Variants in MRPL1 observed in about 807,000 individuals in gnomAD.
MRPL1 encodes the protein large ribosomal subunit protein uL1m.
In MRPL1, 28 loss-of-function variants were observed where a neutral mutation model predicts 38.0. The ratio of observed to expected loss-of-function variants is 0.74; its 90% CI spans 0.55 to 1.01. The LOEUF is 1.01. MRPL1 is among the 50% of genes least tolerant of loss of function. The pLI is 0.00. For synonymous variants in MRPL1, 123 were observed against 126.7 expected, an observed-to-expected ratio of 0.97 and a Z score of 0.20; for missense variants, 358 against 389.8, an observed-to-expected ratio of 0.92 and a Z score of 0.69.
Position 77,916,904 on chromosome 4 carries a change from T to G in MRPL1, c.777+7532T>G, listed in dbSNP as rs2110251696. 1.3e-5 allele frequency among the ~76,000 whole-genome samples: 2 copies of G among 152,346 alleles called. 1 individual carries two copies. The highest frequency in any genetic ancestry group is 4.1e-4 in the South Asian group (2 of 4,832). On this transcript the variant is annotated intron_variant, in intron 7 of 8. Transcript: ENST00000315567. Reference sequence around the variant, plus strand: ...TTCCCAAATTACTTTCTAAAATGTTTATACTAATTTATCATTATCCAACAG... The same window carrying G: ...TTCCCAAATTACTTTCTAAAATGTTGATACTAATTTATCATTATCCAACAG...
At chr4:77,867,753 T>C (rs1358173984) in intron 1 of MRPL1, among the ~76,000 whole-genome samples, 1 of 45,326 alleles carries the variant, frequency 2.2e-5, no homozygotes, top group African/African-American at 7.3e-5. Context: ...TTTCTTTTTT[T>C]TTTTTTTTTT....
chr4:77,936,078 C>T (rs569183430), intron 7 of MRPL1, among the ~76,000 whole-genome samples: 45 of 151,906 alleles, frequency 3.0e-4, no homozygotes, highest in Admixed American at 2.9e-3. Context: ...AATACTGAAT[C>T]GTCTAGGTAA....
At chr4:77,881,192 C>A (rs1735530628) in intron 2 of MRPL1, among the ~76,000 whole-genome samples, 1 of 152,140 alleles carries the variant, frequency 6.6e-6, no homozygotes, top group African/African-American at 2.4e-5. Flanking sequence ...ACAGCAAAGT[C>A]ATTTAGCAAA....
chr4:77,936,524 G>A (rs1360199777), intron 7 of MRPL1, among the ~76,000 whole-genome samples: 3 of 152,172 alleles, frequency 2.0e-5, no homozygotes, highest in Admixed American at 1.3e-4. Flanking sequence ...CCAGGAGTCA[G>A]CAAACCAAAT....
rs1454661643 is a variant in MRPL1, at chr4:77,874,319, A to G, written c.143+2464A>G. Among the ~76,000 whole-genome samples, 5 of 152,288 alleles carry G rather than the reference A, an allele frequency of 3.3e-5. No individual in the cohort carries two copies. The South Asian group carries it at 6.2e-4, about 19-fold the overall frequency. On this transcript the variant is annotated intron_variant, in intron 2 of 8. Coordinates refer to ENST00000315567, the MANE Select transcript of MRPL1 (RefSeq NM_020236.4). ...TTTAAGTTAACAATATATCTTGGAA[A>G]TAGTTTCATATGGAGCTGTCTAGTC...
intron 7 of MRPL1, among the ~76,000 whole-genome samples, chr4:77,919,240 G>GTT (rs578007776): frequency 1.3e-5 from 2 of 149,912 alleles, no homozygotes; most frequent in African/African-American, 4.9e-5. Context: ...AACTTGCTTT[G>GTT]TTTTTTTTTC....
At chr4:77,938,897 C>G (rs1257024713) in intron 7 of MRPL1, among the ~76,000 whole-genome samples, 1 of 152,186 alleles carries the variant, frequency 6.6e-6, no homozygotes, top group South Asian at 2.1e-4. Flanking sequence ...TGAGCTACCT[C>G]ATGGTCCCCT....
chr4:77,878,257 G>C (rs1735448510), intron 2 of MRPL1, among the ~76,000 whole-genome samples: 1 of 152,166 alleles, frequency 6.6e-6, no homozygotes, highest in Admixed American at 6.5e-5. Context: ...GGTCTTTCCA[G>C]CTTTTACATT....
chr4:77,866,134 C>T (rs1735137199), intron 1 of MRPL1, among the ~76,000 whole-genome samples: 1 of 152,218 alleles, frequency 6.6e-6, no homozygotes, highest in Non-Finnish European at 1.5e-5. Flanking sequence ...TCACTGTAAC[C>T]TGTGCCTCCC....
intron 6 of MRPL1, among the ~76,000 whole-genome samples, chr4:77,901,794 C>T (rs564595174): frequency 2.6e-5 from 4 of 152,244 alleles, no homozygotes; most frequent in East Asian, 1.9e-4. Flanking sequence ...ACTGATAGAA[C>T]ATATAGACAG....
At chr4:77,941,576 GTTTCTA>G (rs1255205885) in intron 7 of MRPL1, among the ~76,000 whole-genome samples, 18 of 152,072 alleles carry the variant, frequency 1.2e-4, no homozygotes, top group Non-Finnish European at 1.3e-4. Flanking sequence ...TCTGTTCAGA[GTTTCTA>G]TTTCTTCCTG....
At chr4:77,866,748 C>CTTTTTT (rs1560457402) in intron 1 of MRPL1, among the ~76,000 whole-genome samples, 1 of 150,150 alleles carries the variant, frequency 6.7e-6, no homozygotes. Flanking sequence ...ATATCACCCC[C>CTTTTTT]CTTTTTTTTT....
At chr4:77,871,213 C>A (rs1313782968) in intron 1 of MRPL1, among the ~76,000 whole-genome samples, 1 of 151,328 alleles carries the variant, frequency 6.6e-6, no homozygotes, top group African/African-American at 2.4e-5. Context: ...AGAGTGAAAG[C>A]CTGTCTTTAA....
chr4:77,904,237 T>C (rs940835376), intron 6 of MRPL1, among the ~76,000 whole-genome samples: 15 of 149,730 alleles, frequency 1.0e-4, no homozygotes, highest in Non-Finnish European at 1.6e-4. Flanking sequence ...AAAGCAAGAC[T>C]GTGTCTTAAA....
At chr4:77,916,414 A>G (rs1736425256) in intron 7 of MRPL1, among the ~76,000 whole-genome samples, 1 of 152,214 alleles carries the variant, frequency 6.6e-6, no homozygotes, top group Non-Finnish European at 1.5e-5. Context: ...GGTTAAGTTA[A>G]TTTACAAATG....
intron 7 of MRPL1, among the ~76,000 whole-genome samples, chr4:77,922,670 G>A (rs576229043): frequency 6.6e-6 from 1 of 152,336 alleles, no homozygotes; most frequent in Non-Finnish European, 1.5e-5. Context: ...GGAATTTACT[G>A]ATTGAATGGA....
chr4:77,886,695 G>T (rs1735683589), intron 4 of MRPL1, among the ~76,000 whole-genome samples: 1 of 151,798 alleles, frequency 6.6e-6, no homozygotes, highest in Non-Finnish European at 1.5e-5. Context: ...TGCCCAGGCT[G>T]GTCTAGAACT....
chr4:77,896,824 A>C (rs1735924966), intron 6 of MRPL1, among the ~76,000 whole-genome samples: 1 of 152,078 alleles, frequency 6.6e-6, no homozygotes, highest in African/African-American at 2.4e-5. Context: ...TTGTTTTTCA[A>C]ATGCACATTT....
At chr4:77,908,310 G>A in intron 6 of MRPL1, 1 of 165,344 alleles carries the variant, frequency 6.0e-6, no homozygotes, top group South Asian at 1.3e-4. Flanking sequence ...TCAGCTCACT[G>A]CAACCTCTTC....
Sources: allele counts gnomAD v4.1 joint callset (sites outside exome capture counted in the v4.1 genomes callset), GRCh38; gene constraint gnomAD v4.1.1; transcripts MANE v1.5; gene names NCBI Gene and HGNC (gene_info 2026-07-23, HGNC 2026-07-21).